SIPA1L1: variants seen among roughly 807,000 people sequenced by gnomAD.
The protein encoded by SIPA1L1 is signal induced proliferation associated 1 like 1, also known as signal-induced proliferation-associated 1-like protein 1.
Under a neutral mutation model 162.7 loss-of-function variants are expected in SIPA1L1, and 26 were observed. That is an observed-to-expected ratio of 0.16 (90% confidence interval 0.12 to 0.22). The LOEUF is 0.22. Ranked by LOEUF, SIPA1L1 falls within the 10% of genes least tolerant of loss-of-function variation. SIPA1L1 has a pLI of 1.00. For missense variants in SIPA1L1, 1,874 were observed against 2,241.0 expected, an observed-to-expected ratio of 0.84 and a Z score of 3.31; for synonymous variants, 829 against 837.4, an observed-to-expected ratio of 0.99 and a Z score of 0.17.
intron 2 of SIPA1L1, among the ~76,000 whole-genome samples, chr14:71,373,701 C>A (rs1274677638): frequency 6.6e-6 from 1 of 151,076 alleles, no homozygotes; most frequent in Non-Finnish European, 1.5e-5. Flanking sequence ...AATGTATATA[C>A]TTTTCAAAAT....
chr14:71,499,743 T>C (rs2143439339), intron 2 of SIPA1L1, among the ~76,000 whole-genome samples: 1 of 152,316 alleles, frequency 6.6e-6, no homozygotes, highest in South Asian at 2.1e-4. Context: ...TTGGGGGGCT[T>C]TTTTGATTTG....
chr14:71,537,196 T>C (rs576963656), intron 4 of SIPA1L1, among the ~76,000 whole-genome samples: 14 of 152,306 alleles, frequency 9.2e-5, no homozygotes, highest in Non-Finnish European at 1.6e-4. Context: ...AAGTTTACTA[T>C]TTCTTTTATT....
At chr14:71,658,226 T>G in intron 8 of SIPA1L1, 107 bp from the exon 9 acceptor site, 1 of 659,508 alleles carries the variant, frequency 1.5e-6, no homozygotes, top group East Asian at 2.8e-5. Flanking sequence ...AATCTTTTCA[T>G]CCTAAATCAT....
intron 11 of SIPA1L1, 62 bp downstream of exon 11, chr14:71,671,754 C>G (rs1270298733): frequency 7.8e-7 from 1 of 1,287,220 alleles, no homozygotes; most frequent in South Asian, 1.5e-5. Context: ...TCAATACAGA[C>G]TAGAGCCAAG....
At chr14:71,489,090 G>T (rs2049015648) in intron 2 of SIPA1L1, among the ~76,000 whole-genome samples, 1 of 152,172 alleles carries the variant, frequency 6.6e-6, no homozygotes, top group Non-Finnish European at 1.5e-5. Flanking sequence ...AACTTAAACT[G>T]CTTAGGAGTC....
chr14:71,720,343 G>A (rs1267313010), intron 17 of SIPA1L1, among the ~76,000 whole-genome samples: 2 of 152,140 alleles, frequency 1.3e-5, no homozygotes, highest in East Asian at 3.9e-4. Context: ...CACTTTGGGA[G>A]GCCAAGGCTG....
At chr14:71,364,632 G>C (rs1050074771) in intron 2 of SIPA1L1, among the ~76,000 whole-genome samples, 1 of 152,110 alleles carries the variant, frequency 6.6e-6, no homozygotes, top group South Asian at 2.1e-4. Context: ...GTGATTATGT[G>C]TCTTGGTTTT....
At chr14:71,632,372 C>T (rs1177430940) in intron 7 of SIPA1L1, among the ~76,000 whole-genome samples, 1 of 152,062 alleles carries the variant, frequency 6.6e-6, no homozygotes, top group Non-Finnish European at 1.5e-5. Flanking sequence ...TTCTTTTTAG[C>T]AAAAGGACCA....
intron 11 of SIPA1L1, among the ~76,000 whole-genome samples, chr14:71,671,938 TGTG>T (rs2044573552): frequency 7.0e-6 from 1 of 141,946 alleles, no homozygotes; most frequent in Non-Finnish European, 1.5e-5. Flanking sequence ...TGTGTGTGTG[TGTG>T]TGCGTTCATG....
At chr14:71,484,032 G>A (rs1480698037) in intron 2 of SIPA1L1, among the ~76,000 whole-genome samples, 1 of 152,166 alleles carries the variant, frequency 6.6e-6, no homozygotes, top group East Asian at 1.9e-4. Context: ...TTCCTCAAAA[G>A]CAGGGGGCTC....
chr14:71,387,273 A>AAG, intron 2 of SIPA1L1, among the ~76,000 whole-genome samples: 1 of 149,984 alleles, frequency 6.7e-6, no homozygotes, highest in East Asian at 1.9e-4. Context: ...AAAAAAAAAA[A>AAG]AAAGAAAGAC....
At chr14:71,593,188 G>GTTAT (rs60160795) in intron 5 of SIPA1L1, among the ~76,000 whole-genome samples, 9,558 of 146,972 alleles carry the variant, frequency 0.065, 454 homozygotes, top group Admixed American at 0.15. Context: ...TGTGTTTTGT[G>GTTAT]TTATTTATTT....
At chr14:71,667,593 C>T (rs1274140330) in intron 10 of SIPA1L1, among the ~76,000 whole-genome samples, 2 of 152,184 alleles carry the variant, frequency 1.3e-5, no homozygotes, top group African/African-American at 2.4e-5. Context: ...GCTGCCCTGG[C>T]CAGTAATCTG....
chr14:71,674,887 G>A (rs2044967307), intron 12 of SIPA1L1, among the ~76,000 whole-genome samples: 1 of 152,020 alleles, frequency 6.6e-6, no homozygotes, highest in East Asian at 1.9e-4. Context: ...AAAAGAAACC[G>A]GGACTCAAAG....
intron 16 of SIPA1L1, 60 bp from the exon 17 acceptor site, chr14:71,709,162 G>A: frequency 1.4e-6 from 2 of 1,388,084 alleles, no homozygotes; most frequent in Non-Finnish European, 2.0e-6. Flanking sequence ...TGTCATTTCT[G>A]TTATTCTCTT....
chr14:71,497,997 A>G (rs1371682821), intron 2 of SIPA1L1: 2 of 152,194 alleles, frequency 1.3e-5, no homozygotes, highest in Admixed American at 6.5e-5. Flanking sequence ...TTGCCACTAC[A>G]TGGTATTGCC....
At chr14:71,630,515 G>A (rs2040463530) in intron 7 of SIPA1L1, among the ~76,000 whole-genome samples, 1 of 152,178 alleles carries the variant, frequency 6.6e-6, no homozygotes, top group Non-Finnish European at 1.5e-5. Context: ...CGATTCAGAA[G>A]GATGCAGGAA....
At chr14:71,598,697 A>G (rs1397845599) in intron 5 of SIPA1L1, among the ~76,000 whole-genome samples, 1 of 152,056 alleles carries the variant, frequency 6.6e-6, no homozygotes, top group African/African-American at 2.4e-5. Context: ...ACACTGGTGA[A>G]ATTCGAATAA....
chr14:71,660,355 G>A (rs1015635468), intron 9 of SIPA1L1, among the ~76,000 whole-genome samples: 5 of 151,976 alleles, frequency 3.3e-5, no homozygotes, highest in Non-Finnish European at 5.9e-5. Context: ...TCAAATTCCT[G>A]AGGTTAAAAG....
Sources: gnomAD v4.1 joint callset for allele counts (sites outside exome capture counted in the v4.1 genomes callset) on GRCh38, gnomAD v4.1.1 for gene constraint, MANE v1.5 for transcripts, NCBI Gene and HGNC (gene_info 2026-07-23, HGNC 2026-07-21) for gene names.